The following RNF214 variants were observed in gnomAD, a reference collection of about 807,000 sequenced individuals.
RNF214 encodes the protein ring finger protein 214.
A neutral mutation model predicts 75.9 loss-of-function variants in RNF214; 25 were observed. That is an observed-to-expected ratio of 0.33 (90% CI 0.24 to 0.46). RNF214 has a LOEUF of 0.46. Among genes scored for constraint, RNF214 ranks in the 20% least tolerant of loss-of-function variants. RNF214 has a pLI of 1.00. For missense variants in RNF214, 725 were observed against 857.5 expected, an observed-to-expected ratio of 0.85 and a Z score of 1.93; for synonymous variants, 314 against 308.8, an observed-to-expected ratio of 1.02 and a Z score of -0.18.
At position 117,282,060 on chromosome 11, in the gene RNF214, C is replaced by T; in HGVS notation, c.1502C>T (p.Ser501Leu). The T allele has an allele frequency of 1.2e-6, 2 of 1,614,134 alleles. No individual in the cohort carries two copies. The highest frequency in any genetic ancestry group is 1.7e-6 in the Non-Finnish European group (2 of 1,180,024). ...PALSQPSQPS[S>L]PLPGSHGRNS... ...CTTTCCCAGCCCAGCCAGCCTTCCT[C>T]ACCCCTTCCTGGCTCCCATGGCAGA... The change falls in exon 11 of 15, where the codon TCA becomes TTA. Residue 501 changes from serine (S) to leucine (L), a missense_variant. Transcript: ENST00000300650.
At chr11:117,252,132 G>T (rs1396467756) in intron 6 of RNF214, among the ~76,000 whole-genome samples, 5 of 152,226 alleles carry the variant, frequency 3.3e-5, no homozygotes, top group Admixed American at 6.5e-5. Flanking sequence ...GCCTCCCAAA[G>T]TTCTGGGATT....
At chr11:117,263,817 T>C in intron 6 of RNF214, 1 of 234,878 alleles carries the variant, frequency 4.3e-6, no homozygotes, top group Non-Finnish European at 8.3e-6. Context: ...GCCTATGCTT[T>C]TTCTACTCCC....
At chr11:117,260,176 G>C (rs2033623558) in intron 6 of RNF214, among the ~76,000 whole-genome samples, 1 of 151,632 alleles carries the variant, frequency 6.6e-6, no homozygotes, top group Non-Finnish European at 1.5e-5. Flanking sequence ...GGAGTGCAGT[G>C]GCTATTCACA....
rs1400740122 is a variant in RNF214 at position 117,244,469 on chromosome 11, C to G, written c.703C>G (p.Leu235Val). The G allele has an allele frequency of 1.2e-6, 2 of 1,611,686 alleles. No homozygotes were observed. The highest frequency in any genetic ancestry group is 1.1e-5 in the South Asian group (1 of 90,604). ...GGATAAAATGATGACAGAGAGAACC[C>G]TGTTGAAAGAGCGTTACCAGGAGGT... ...NLDKMMTERT[L>V]LKERYQEVLD... is the part of the protein sequence containing the mutation. Residue 235 changes from leucine to valine, a missense_variant, in exon 5 of 15, where the codon CTG (leucine) becomes GTG (valine). Coordinates refer to ENST00000300650, the MANE Select transcript of RNF214 (RefSeq NM_207343.4).
rs2034149229 is a variant in RNF214 at position 117,282,532 on chromosome 11, C to G, written c.1841C>G (p.Thr614Ser). ...LAEHERVAAS[T>S]QPLGRIRALF... is the part of the protein sequence containing the mutation. ...GAACATGAGCGGGTGGCAGCAAGTA[C>G]TCAGGTGAGAAAAGCCACTTGGGAG... Residue 614 changes from threonine (T) to serine (S), a missense_variant, in exon 12 of 15, where the codon ACT becomes AGT. Thr to Ser is a moderately conservative substitution (Grantham distance 58). Coordinates refer to ENST00000300650, the MANE Select transcript of RNF214 (RefSeq NM_207343.4). The G allele has an allele frequency of 6.2e-7, 1 of 1,613,808 alleles. No homozygotes were observed. The highest frequency in any genetic ancestry group is 1.1e-5 in the South Asian group (1 of 91,012).
rs2034246513 is a variant in RNF214, at chr11:117,285,866, C to T, written c.*715C>T. The T allele has an allele frequency of 6.6e-6, 1 of 152,588 alleles. No individual in the cohort carries two copies. The highest frequency in any genetic ancestry group is 2.1e-4 in the South Asian group (1 of 4,834). The allele number at this position is 152,588 out of a possible 1,614,324, so 9.5% of individuals were successfully genotyped here. On this transcript the variant is annotated 3_prime_UTR_variant, in exon 15 of 15. Coordinates refer to ENST00000300650, the MANE Select transcript of RNF214 (RefSeq NM_207343.4). ...CACAAGCTTCTGTCCACCCTATTTT[C>T]TGGACAGAAATTAGCACAACCCACA...
rs1240412330 is a variant in RNF214 at position 117,246,832 on chromosome 11, T to C, written c.843T>C (p.Asp281=). 2.5e-6 allele frequency: 4 copies of C among 1,607,288 alleles called. No homozygotes were observed. ...AGGAGATATTAAAGGCTATTCAGGA[T>C]GTGACAATAAAGCGGGAAGAAACAA... ...NHQEILKAIQ[D]VTIKREETKK... Residue 281 remains aspartate (D), a synonymous_variant, in exon 6 of 15, where the codon GAT becomes GAC. Coordinates refer to ENST00000300650, the MANE Select transcript of RNF214 (RefSeq NM_207343.4).
chr11:117,268,561 A>G (rs573449295), intron 6 of RNF214, among the ~76,000 whole-genome samples: 2 of 152,278 alleles, frequency 1.3e-5, no homozygotes, highest in South Asian at 2.1e-4. Flanking sequence ...TTTACTGTCT[A>G]TTCCATTACA....
chr11:117,245,731 A>G (rs1271480311), intron 5 of RNF214, among the ~76,000 whole-genome samples: 1 of 152,208 alleles, frequency 6.6e-6, no homozygotes, highest in Non-Finnish European at 1.5e-5. Flanking sequence ...ATACTTATTG[A>G]CAATACATTC....
intron 6 of RNF214, among the ~76,000 whole-genome samples, chr11:117,263,170 A>G (rs2033709802): frequency 6.6e-6 from 1 of 151,528 alleles, no homozygotes; most frequent in Non-Finnish European, 1.5e-5. Flanking sequence ...CTGTATTGTT[A>G]GATACACATA....
At chr11:117,244,664 T>A (rs2033165999) in intron 5 of RNF214, 79 bp downstream of exon 5, 1 of 1,033,826 alleles carries the variant, frequency 9.7e-7, no homozygotes. Context: ...AAAACTTTAT[T>A]TATTTATTTA....
rs146000185 is a variant in RNF214 at position 117,248,574 on chromosome 11, C to T, written c.959+1626C>T. ...TCTCCAAGATAATAATTGTGAAGCT[C>T]AACATGAGGAATTGTGTTTGAGAGA... On this transcript the variant is annotated intron_variant, in intron 6 of 14. Transcript: ENST00000300650. 2.0e-4 allele frequency among the ~76,000 whole-genome samples: 30 copies of T among 152,244 alleles called. No homozygotes were observed. The East Asian group carries it at 4.2e-3, about 22-fold the overall frequency.
At position 117,245,500 on chromosome 11, in the gene RNF214, C is replaced by T. The variant is rs192229976; in HGVS notation, c.819+915C>T. 4.8e-3 allele frequency among the ~76,000 whole-genome samples: 729 copies of T among 151,630 alleles called. 2 individuals carry two copies. Among genetic ancestry groups the T allele is most frequent in the Non-Finnish European group, 7.1e-3 (485 of 67,870 alleles). On this transcript the variant is annotated intron_variant, in intron 5 of 14. Coordinates refer to ENST00000300650, the MANE Select transcript of RNF214 (RefSeq NM_207343.4). ...GACTACAGGCGCCCGCCACTACGCC[C>T]GGCTAATTTTTTGTATTTTTTTTAA...
At chr11:117,256,503 G>A (rs1239559714) in intron 6 of RNF214, among the ~76,000 whole-genome samples, 2 of 152,088 alleles carry the variant, frequency 1.3e-5, no homozygotes, top group Admixed American at 6.6e-5. Context: ...ACATTGTGGG[G>A]GACTCCTGGA....
intron 4 of RNF214, among the ~76,000 whole-genome samples, chr11:117,240,221 T>TG (rs941302923): frequency 1.7e-4 from 26 of 151,224 alleles, no homozygotes; most frequent in African/African-American, 6.3e-4. Flanking sequence ...GGTGTGGTGG[T>TG]GCATGCCTAT....
At chr11:117,236,349 C>A (rs2032910548) in intron 2 of RNF214, among the ~76,000 whole-genome samples, 1 of 152,128 alleles carries the variant, frequency 6.6e-6, no homozygotes, top group South Asian at 2.1e-4. Context: ...TTTCCGCTCA[C>A]TGCAACCTCT....
At chr11:117,285,059 C>T (rs1181948648) in intron 14 of RNF214, 27 bp from the exon 15 acceptor site, 5 of 1,542,076 alleles carry the variant, frequency 3.2e-6, no homozygotes, top group Admixed American at 3.3e-5. Context: ...CCAGATAAAC[C>T]TGAGGTGTGT....
intron 3 of RNF214, chr11:117,239,535 G>A: frequency 2.0e-6 from 1 of 500,284 alleles, no homozygotes; most frequent in East Asian, 3.7e-5. Context: ...ACAACAGACT[G>A]TAGAGGGCAG....
rs949520748 is a variant in RNF214 at position 117,246,665 on chromosome 11, C to T, written c.820-144C>T. 1.9e-5 allele frequency: 15 copies of T among 796,018 alleles called. No homozygotes were observed. The Admixed American group carries it at 3.0e-4, about 16-fold the overall frequency. 49.3% of individuals were successfully genotyped at this position (796,018 alleles called of 1,614,324 possible). A position where few individuals can be genotyped will look rare whatever the true frequency, so the allele number is the denominator to read the frequency against. On this transcript the variant is annotated intron_variant, in intron 5 of 14. Transcript: ENST00000300650. Reference sequence around the variant, plus strand: ...GTCTGAATACTGGCTTTTGGAGCTACTCATCAACCACATTCTTTCAATTCA... The same window carrying T: ...GTCTGAATACTGGCTTTTGGAGCTATTCATCAACCACATTCTTTCAATTCA...
Sources: gnomAD v4.1 joint callset for allele counts (sites outside exome capture counted in the v4.1 genomes callset) on GRCh38, gnomAD v4.1.1 for gene constraint, MANE v1.5 for transcripts, NCBI Gene and HGNC (gene_info 2026-07-23, HGNC 2026-07-21) for gene names.